Variants in VPS13B observed in about 807,000 individuals in gnomAD.
VPS13B encodes vacuolar protein sorting 13 homolog B.
A neutral mutation model predicts 426.4 loss-of-function variants in VPS13B; 285 were observed. The ratio of observed to expected loss-of-function variants is 0.67; its 90% CI spans 0.61 to 0.74. VPS13B has a LOEUF of 0.74. Among genes scored for constraint, VPS13B ranks in the 30% least tolerant of loss-of-function variants. The pLI, the probability that VPS13B is intolerant of heterozygous loss-of-function variation, is 0.00. For missense variants in VPS13B, 4,537 were observed against 4,782.6 expected, an observed-to-expected ratio of 0.95 and a Z score of 1.51; for synonymous variants, 1,676 against 1,676.4, an observed-to-expected ratio of 1.00 and a Z score of 0.01.
intron 3 of VPS13B, among the ~76,000 whole-genome samples, chr8:99,062,054 A>G (rs1844218207): frequency 2.6e-5 from 4 of 152,204 alleles, no homozygotes; most frequent in Non-Finnish European, 5.9e-5. Flanking sequence ...ATGTCTCAAC[A>G]GTATACTGTT....
In VPS13B at chr8:99,778,878, G is replaced by A; in HGVS notation, c.7626G>A (p.Val2542=). 6.2e-7 allele frequency: 1 copy of A among 1,613,982 alleles called. No individual in the cohort carries two copies. Among genetic ancestry groups the A allele is most frequent in the Non-Finnish European group, 8.5e-7 (1 of 1,179,928 alleles). The change falls in exon 42 of 62, where the codon GTG becomes GTA. Residue 2542 remains valine (V), a synonymous_variant. Coordinates refer to ENST00000357162, the MANE Select transcript of VPS13B (RefSeq NM_152564.5). ...GCAGAAATGTCACTATGCAAAGTGTGGTGAAACCCTTCAGCATCTTCGGGC... is the reference window on the plus strand; with the variant it reads ...GCAGAAATGTCACTATGCAAAGTGTAGTGAAACCCTTCAGCATCTTCGGGC... ...LECRNVTMQS[V]VKPFSIFGQM...
rs10095279 is a variant in VPS13B, at chr8:99,783,054, C to A, written c.7780-1261C>A. 2.6e-5 allele frequency among the ~76,000 whole-genome samples: 4 copies of A among 151,990 alleles called. No individual in the cohort carries two copies. In the South Asian group the frequency reaches 6.2e-4, roughly 24 times the overall value. On this transcript the variant is annotated intron_variant, in intron 42 of 61. Coordinates refer to ENST00000357162, the MANE Select transcript of VPS13B (RefSeq NM_152564.5). ...CACCTGCAGCATAGAGCCTGCCCAC[C>A]TACTTCAAGGGCATTCTGGATGATT... is the stretch of plus-strand genomic sequence containing the variant.
intron 15 of VPS13B, among the ~76,000 whole-genome samples, chr8:99,169,045 A>G (rs185800285): frequency 2.6e-4 from 40 of 152,128 alleles, no homozygotes; most frequent in African/African-American, 9.1e-4. Context: ...ATGCTCATTA[A>G]ATAGTATTTT....
intron 17 of VPS13B, 88 bp from the exon 18 acceptor site, chr8:99,274,110 G>A: frequency 6.5e-7 from 1 of 1,537,572 alleles, no homozygotes; most frequent in Non-Finnish European, 9.0e-7. Flanking sequence ...GACAGTTAGA[G>A]TATAATTAAG....
intron 19 of VPS13B, chr8:99,347,297 CA>C (rs1437167569): frequency 1.3e-5 from 2 of 152,440 alleles, no homozygotes; most frequent in Non-Finnish European, 2.9e-5. Flanking sequence ...CTACTTCTTC[CA>C]CAGTGTGGGC....
chr8:99,858,123 C>G (rs554750922), intron 56 of VPS13B, among the ~76,000 whole-genome samples: 3 of 152,326 alleles, frequency 2.0e-5, no homozygotes, highest in Admixed American at 2.0e-4. Context: ...TGGCTCCCAC[C>G]CAGTCCTGTC....
chr8:99,647,641 A>C (rs1279372712), intron 34 of VPS13B, among the ~76,000 whole-genome samples: 1 of 152,184 alleles, frequency 6.6e-6, no homozygotes, highest in Non-Finnish European at 1.5e-5. Context: ...TGTAACTATA[A>C]AAAGAATATA....
chr8:99,123,320 A>G (rs983947810), intron 8 of VPS13B, among the ~76,000 whole-genome samples: 30 of 152,212 alleles, frequency 2.0e-4, no homozygotes, highest in African/African-American at 6.7e-4. Context: ...TCCAGTAATA[A>G]CAAATGTAAA....
In VPS13B at chr8:99,275,184, T is replaced by C; in HGVS notation, c.2754T>C (p.Ser918=). The change falls in exon 19 of 62, where the codon TCT becomes TCC. Residue 918 remains serine, a synonymous_variant. Coordinates refer to ENST00000357162, the MANE Select transcript of VPS13B (RefSeq NM_152564.5). ...KWLNESRKPE[S]LLAPDLMAFT... The stretch of plus-strand genomic sequence containing the variant: ...TCAATGAGAGTAGAAAGCCAGAGTC[T>C]CTCTTAGCTCCAGATTTGATGGCCT... The C allele has an allele frequency of 1.9e-6, 3 of 1,613,120 alleles. No homozygotes were observed. In the East Asian group the frequency reaches 6.7e-5, roughly 36 times the overall value.
intron 56 of VPS13B, among the ~76,000 whole-genome samples, chr8:99,857,172 C>T (rs1345182360): frequency 6.6e-6 from 1 of 152,238 alleles, no homozygotes; most frequent in Non-Finnish European, 1.5e-5. Context: ...CATAGCCCTT[C>T]TATCAGGCAG....
At chr8:99,468,284 A>G (rs547930936) in intron 24 of VPS13B, among the ~76,000 whole-genome samples, 4 of 152,210 alleles carry the variant, frequency 2.6e-5, no homozygotes, top group African/African-American at 9.6e-5. Flanking sequence ...GCTCAGAATG[A>G]TGGTTAGTCT....
chr8:99,621,739 T>A (rs1046636390), intron 33 of VPS13B, among the ~76,000 whole-genome samples: 1 of 151,552 alleles, frequency 6.6e-6, no homozygotes, highest in African/African-American at 2.4e-5. Context: ...TTATCAGGAG[T>A]TTTTTGCTAG....
chr8:99,044,851 TATACAC>T (rs1243650140), intron 3 of VPS13B, among the ~76,000 whole-genome samples: 2 of 82,016 alleles, frequency 2.4e-5, no homozygotes, highest in East Asian at 7.1e-4. Flanking sequence ...TATTCCATTT[TATACAC>T]ACACACACAC....
intron 3 of VPS13B, among the ~76,000 whole-genome samples, chr8:99,083,507 G>C (rs1178765272): frequency 1.3e-5 from 2 of 150,104 alleles, no homozygotes; most frequent in Non-Finnish European, 3.0e-5. Context: ...AATAGGAGTG[G>C]TGAGAGAGGG....
chr8:99,673,202 G>A lies in VPS13B; in HGVS notation c.6046+11711G>A, dbSNP rs957041738. ...TTTTTGGAAGAGTTTGAGAAGAATT[G>A]GTGGTATTAGATATTTAAGTACTGA... On this transcript the variant is annotated intron_variant, in intron 35 of 61. Transcript: ENST00000357162. Among the ~76,000 whole-genome samples, 11 of 151,902 alleles carry A rather than the reference G, an allele frequency of 7.2e-5. 1 individual carries two copies. The highest frequency in any genetic ancestry group is 2.2e-4 in the African/African-American group (9 of 41,382).
chr8:99,080,325 A>G (rs552273670), intron 3 of VPS13B, among the ~76,000 whole-genome samples: 1 of 152,138 alleles, frequency 6.6e-6, no homozygotes, highest in East Asian at 1.9e-4. Flanking sequence ...GAAATTTTCA[A>G]CTGACCTGTG....
chr8:99,346,151 G>A (rs2133198790), intron 19 of VPS13B: 1 of 152,486 alleles, frequency 6.6e-6, no homozygotes, highest in South Asian at 2.1e-4. Context: ...CAGGAGGATG[G>A]TTTCCTGAAT....
intron 17 of VPS13B, among the ~76,000 whole-genome samples, chr8:99,270,179 C>A (rs920178443): frequency 2.8e-4 from 21 of 73,718 alleles, no homozygotes; most frequent in African/African-American, 1.1e-3. Context: ...TTGCTCGTTG[C>A]CCAGACTGGA....
At chr8:99,764,406 A>AT (rs1811098938) in intron 39 of VPS13B, among the ~76,000 whole-genome samples, 4 of 137,222 alleles carry the variant, frequency 2.9e-5, no homozygotes, top group African/African-American at 8.3e-5. Flanking sequence ...ATAGAGAGAG[A>AT]TTCTTTTTTT....
Sources: gnomAD v4.1 joint callset for allele counts (sites outside exome capture counted in the v4.1 genomes callset) on GRCh38, gnomAD v4.1.1 for gene constraint, MANE v1.5 for transcripts, NCBI Gene and HGNC (gene_info 2026-07-23, HGNC 2026-07-21) for gene names.